Variants in MRTFB observed in about 807,000 individuals in gnomAD.
MRTFB encodes myocardin-related transcription factor B.
MRTFB carries 29 observed loss-of-function variants against 104.2 expected under a neutral mutation model. That is an observed-to-expected ratio of 0.28 (90% CI 0.21 to 0.38). MRTFB has a LOEUF of 0.38. MRTFB is among the 10% of genes least tolerant of loss of function. MRTFB has a pLI of 1.00. For synonymous variants in MRTFB, 535 were observed against 519.5 expected (o/e 1.03, Z -0.41); for missense variants, 1,270 against 1,341.6 (o/e 0.95, Z 0.83).
chr16:14,115,202 T>G (rs896479546), intron 2 of MRTFB, among the ~76,000 whole-genome samples: 7 of 152,236 alleles, frequency 4.6e-5, no homozygotes, highest in African/African-American at 1.7e-4. Flanking sequence ...GATCTTGTTC[T>G]TGCTACACAT....
chr16:14,165,856 C>G (rs1318322090), intron 3 of MRTFB, among the ~76,000 whole-genome samples: 2 of 152,168 alleles, frequency 1.3e-5, no homozygotes, highest in Non-Finnish European at 2.9e-5. Context: ...TTCTGGTATA[C>G]TTTGTTCTGT....
intron 3 of MRTFB, among the ~76,000 whole-genome samples, chr16:14,208,608 T>C (rs900213225): frequency 1.3e-5 from 2 of 152,222 alleles, no homozygotes; most frequent in Admixed American, 6.5e-5. Context: ...TGTCTTTTTC[T>C]TGAGATTCTG....
rs1052948854 is a variant in MRTFB, at chr16:14,236,493, TAG to T, written c.831+2215_831+2216del. Among the ~76,000 whole-genome samples the T allele has an allele frequency of 1.1e-4, 17 of 151,992 alleles. No homozygotes were observed. In the East Asian group the frequency reaches 2.7e-3, roughly 24 times the overall value. On this transcript the variant is annotated intron_variant, in intron 9 of 16. Coordinates refer to ENST00000571589, the MANE Select transcript of MRTFB (RefSeq NM_001308142.2). ...CCCTTAGGGTAAACAGACAACCAAA[TAG>T]AGAGTGTGCCGGGTGGTGATGAATA... is the stretch of plus-strand genomic sequence containing the variant.
chr16:14,103,416 G>GT (rs2142077790), intron 2 of MRTFB, among the ~76,000 whole-genome samples: 1 of 152,256 alleles, frequency 6.6e-6, no homozygotes, highest in African/African-American at 2.4e-5. Flanking sequence ...TATGGGGGAG[G>GT]GTGTTTGTTT....
At chr16:14,033,832 T>C in the MRTFB span, among the ~76,000 whole-genome samples, 1 of 80,068 alleles carries the variant, frequency 1.2e-5, no homozygotes, top group East Asian at 3.5e-4. Context: ...TGAGACTCAG[T>C]CTCAAAAAAA....
chr16:14,197,429 C>G (rs1178863414), intron 3 of MRTFB, among the ~76,000 whole-genome samples: 1 of 152,150 alleles, frequency 6.6e-6, no homozygotes, highest in Admixed American at 6.5e-5. Context: ...TGTCTTCGTT[C>G]CTACCATCAT....
chr16:14,018,750 C>G, the MRTFB span: 1 of 152,226 alleles, frequency 6.6e-6, no homozygotes, highest in African/African-American at 2.4e-5. Context: ...CATCATATCC[C>G]TTAAGGCCAA....
intron 8 of MRTFB, among the ~76,000 whole-genome samples, chr16:14,230,611 A>G (rs998002622): frequency 3.3e-5 from 5 of 152,178 alleles, no homozygotes; most frequent in Non-Finnish European, 7.3e-5. Flanking sequence ...TAGAATGGCA[A>G]TTATTAAAAA....
chr16:14,197,051 C>A (rs1381935149), intron 3 of MRTFB, among the ~76,000 whole-genome samples: 2 of 142,834 alleles, frequency 1.4e-5, no homozygotes, highest in Non-Finnish European at 3.0e-5. Context: ...CTCACTACAA[C>A]CTCTGCCTCC....
At chr16:14,090,879 GGTGTGTGTGTGTGTGT>G (rs55685117) in intron 2 of MRTFB, among the ~76,000 whole-genome samples, 18 of 141,786 alleles carry the variant, frequency 1.3e-4, no homozygotes, top group East Asian at 2.1e-4. Flanking sequence ...AGTTCAGCAT[GGTGTGTGTGTGTGTGT>G]GTGTGTGTGT....
intron 9 of MRTFB, among the ~76,000 whole-genome samples, chr16:14,239,261 A>T (rs1365550285): frequency 6.6e-6 from 1 of 152,276 alleles, no homozygotes; most frequent in Non-Finnish European, 1.5e-5. Context: ...AAGGAAGGAT[A>T]TAAACAAGAA....
the MRTFB span, chr16:14,013,378 G>A: frequency 6.6e-6 from 1 of 152,154 alleles, no homozygotes; most frequent in Non-Finnish European, 1.5e-5. Flanking sequence ...TTACCTCTAA[G>A]GCAATCAGGT....
chr16:14,029,617 A>G, the MRTFB span, among the ~76,000 whole-genome samples: 3 of 151,900 alleles, frequency 2.0e-5, no homozygotes, highest in Non-Finnish European at 4.4e-5. Context: ...CACTAATGGC[A>G]GGGATATTGT....
chr16:14,177,938 AC>A lies in MRTFB; in HGVS notation c.155-32304del, dbSNP rs1316699140. ...TGTGTGTGTGTGTGTGTGTGTGTGCACGCATTGGTGGGTGTTTAGAGTTAAT... is the reference window on the plus strand; with the variant it reads ...TGTGTGTGTGTGTGTGTGTGTGTGCAGCATTGGTGGGTGTTTAGAGTTAAT... On this transcript the variant is annotated intron_variant, in intron 3 of 16. Coordinates refer to ENST00000571589, the MANE Select transcript of MRTFB (RefSeq NM_001308142.2). This position sits in a 1 kb window ranked among gnomAD's most constrained non-coding sequence, Gnocchi z 4.7. Among the ~76,000 whole-genome samples the A allele has an allele frequency of 9.1e-5, 10 of 110,332 alleles. No individual in the cohort carries two copies. Among genetic ancestry groups the A allele is most frequent in the African/African-American group, 3.2e-4 (9 of 28,234 alleles). The allele number at this position is 110,332 out of a possible 152,430, so 72.4% of individuals were successfully genotyped here.
At chr16:14,234,084 A>T (rs867095220) in intron 8 of MRTFB, 62 bp from the exon 9 acceptor site, 14 of 1,575,210 alleles carry the variant, frequency 8.9e-6, no homozygotes, top group Middle Eastern at 3.4e-4. Flanking sequence ...TTGTAATTCT[A>T]ATTTTTCTGT....
intron 3 of MRTFB, among the ~76,000 whole-genome samples, chr16:14,164,228 T>C (rs1418641263): frequency 6.6e-6 from 1 of 152,180 alleles, no homozygotes; most frequent in Non-Finnish European, 1.5e-5. Flanking sequence ...TGCCACACCC[T>C]TCTCAGCCGC....
At chr16:14,176,428 C>T (rs999936476) in intron 3 of MRTFB, among the ~76,000 whole-genome samples, 1 of 152,170 alleles carries the variant, frequency 6.6e-6, no homozygotes, top group Non-Finnish European at 1.5e-5. Context: ...TAGACACATC[C>T]AGCCTTTCTC....
At chr16:14,260,746 T>C (rs922353362) in intron 16 of MRTFB, among the ~76,000 whole-genome samples, 163 bp from the exon 17 acceptor site, 1 of 152,226 alleles carries the variant, frequency 6.6e-6, no homozygotes, top group Non-Finnish European at 1.5e-5. Context: ...ATCCTAAAGG[T>C]TGTCAAGGAT....
the MRTFB span, among the ~76,000 whole-genome samples, chr16:14,035,908 C>T: frequency 5.3e-5 from 8 of 151,318 alleles, no homozygotes; most frequent in Non-Finnish European, 1.2e-4. Context: ...TCCCCAAGGC[C>T]CACTGTGTCG....
Sources: allele counts gnomAD v4.1 joint callset (sites outside exome capture counted in the v4.1 genomes callset), GRCh38; gene constraint gnomAD v4.1.1; non-coding constraint Gnocchi (gnomAD v3.1); transcripts MANE v1.5; gene names NCBI Gene and HGNC (gene_info 2026-07-23, HGNC 2026-07-21).